MCF2L2: variants seen among roughly 807,000 people sequenced by gnomAD.
MCF2L2 encodes probable guanine nucleotide exchange factor MCF2L2.
MCF2L2 carries 102 observed loss-of-function variants against 150.2 expected under a neutral mutation model. The observed-to-expected ratio is 0.68, with a 90% CI of 0.58 to 0.80. The LOEUF is 0.80. Ranked by LOEUF, MCF2L2 falls within the 30% of genes least tolerant of loss-of-function variation. MCF2L2 has a pLI of 0.00. For missense variants in MCF2L2, 1,256 were observed against 1,372.8 expected (o/e 0.91, Z 1.34); for synonymous variants, 465 against 491.3 (o/e 0.95, Z 0.71).
intron 15 of MCF2L2, among the ~76,000 whole-genome samples, chr3:183,241,996 T>G (rs144421366): frequency 6.6e-6 from 1 of 152,290 alleles, no homozygotes; most frequent in East Asian, 1.9e-4. Flanking sequence ...TGGCAGCATT[T>G]TGCCCCTGCC....
chr3:183,202,913 A>T (rs207464142), intron 25 of MCF2L2, among the ~76,000 whole-genome samples: 1 of 152,216 alleles, frequency 6.6e-6, no homozygotes, highest in African/African-American at 2.4e-5. Flanking sequence ...ACCAGTCAAT[A>T]CAAACTGTTC....
chr3:183,254,004 G>C (rs986338705), intron 15 of MCF2L2: 4 of 152,150 alleles, frequency 2.6e-5, no homozygotes, highest in Admixed American at 6.5e-5. Context: ...GCGGCCCCGA[G>C]CTGGGCTCCC....
At chr3:183,279,150 G>A (rs56310057) in intron 14 of MCF2L2, among the ~76,000 whole-genome samples, 3,885 of 151,686 alleles carry the variant, frequency 0.026, 172 homozygotes, top group African/African-American at 0.087. Context: ...CTCACAAGAA[G>A]TACATAACAC....
chr3:183,355,744 G>A (rs545042109), intron 3 of MCF2L2, among the ~76,000 whole-genome samples: 240 of 151,246 alleles, frequency 1.6e-3, no homozygotes, highest in Non-Finnish European at 2.8e-3. Flanking sequence ...GGGATTACAG[G>A]CGTGAGCCAC....
chr3:183,295,944 C>G (rs924581942), intron 12 of MCF2L2, among the ~76,000 whole-genome samples: 1 of 152,024 alleles, frequency 6.6e-6, no homozygotes, highest in South Asian at 2.1e-4. Flanking sequence ...GGCGACAGAG[C>G]GACTCCATCT....
chr3:183,399,688 T>A (rs150362161), intron 1 of MCF2L2, among the ~76,000 whole-genome samples: 3 of 152,224 alleles, frequency 2.0e-5, no homozygotes, highest in Non-Finnish European at 2.9e-5. Flanking sequence ...GACATTTTTC[T>A]TCAGGAATAT....
At chr3:183,382,838 T>G (rs1713614134) in intron 2 of MCF2L2, among the ~76,000 whole-genome samples, 1 of 152,150 alleles carries the variant, frequency 6.6e-6, no homozygotes, top group Non-Finnish European at 1.5e-5. Flanking sequence ...GCCCTGGTGA[T>G]AGCTGGCATG....
At chr3:183,223,036 C>T (rs1317624689) in intron 20 of MCF2L2, among the ~76,000 whole-genome samples, 3 of 152,194 alleles carry the variant, frequency 2.0e-5, no homozygotes, top group African/African-American at 7.2e-5. Context: ...AAAACAGTAA[C>T]TTTGGGGAAA....
At chr3:183,298,765 G>GCGCGCGCGCGCGCGCGCA in intron 11 of MCF2L2, 3 of 138,498 alleles carry the variant, frequency 2.2e-5, no homozygotes, top group African/African-American at 8.7e-5. Context: ...AAACACACAT[G>GCGCGCGCGCGCGCGCGCA]CACACACACA....
chr3:183,202,462 C>G (rs1410065483), intron 25 of MCF2L2, among the ~76,000 whole-genome samples: 1 of 152,164 alleles, frequency 6.6e-6, no homozygotes, highest in Non-Finnish European at 1.5e-5. Context: ...GACAGATCTG[C>G]GAAGGCCCCA....
intron 22 of MCF2L2, among the ~76,000 whole-genome samples, chr3:183,214,224 G>A (rs544904333): frequency 2.4e-4 from 37 of 152,186 alleles, no homozygotes; most frequent in Non-Finnish European, 4.9e-4. Context: ...AAAAGGAACA[G>A]AAAGATGCCC....
chr3:183,324,609 T>A (rs1729948949), intron 5 of MCF2L2, among the ~76,000 whole-genome samples: 1 of 152,102 alleles, frequency 6.6e-6, no homozygotes, highest in Non-Finnish European at 1.5e-5. Flanking sequence ...GGTTTGCACC[T>A]GTAATCCCAG....
At chr3:183,234,755 G>A (rs1576946565) in intron 15 of MCF2L2, among the ~76,000 whole-genome samples, 1 of 105,944 alleles carries the variant, frequency 9.4e-6, no homozygotes. Flanking sequence ...GTGCAGGTTA[G>A]TTACATATGT....
rs2108478890 is a variant in MCF2L2, at chr3:183,289,120, C to G, written c.1776G>C (p.Lys592Asn). 6.2e-7 allele frequency: 1 copy of G among 1,604,912 alleles called. No homozygotes were observed. The change falls in exon 14 of 30, where the codon AAG (lysine) becomes AAC (asparagine). Residue 592 changes from lysine to asparagine, a missense_variant and splice_region_variant. Lys to Asn is a moderately conservative substitution (Grantham distance 94, BLOSUM62 0). Coordinates refer to ENST00000328913, the MANE Select transcript of MCF2L2 (RefSeq NM_015078.4). ...KEDDETKFEV[K>N]SEEIFESHHE... ...ATAAGTAAAATAAAGGTAATTTTAC[C>G]TTGACTTCAAATTTAGTCTCATCAT...
At position 183,207,867 on chromosome 3, in the gene MCF2L2, T is replaced by G. The variant is rs755122910; in HGVS notation, c.2497-44A>C. 3 of 1,476,498 alleles carry G rather than the reference T, an allele frequency of 2.0e-6. No individual in the cohort carries two copies. In the Admixed American group the frequency reaches 5.5e-5, roughly 27 times the overall value. The allele number at this position is 1,476,498 out of a possible 1,614,324, so 91.5% of individuals were successfully genotyped here. ...CAGGAAAAGAAGCTGTAAAATTACT[T>G]GACAGAGAAAGAAGCCTTTGTGGCC... On this transcript the variant is annotated intron_variant, in intron 22 of 29. Transcript: ENST00000328913.
At chr3:183,192,949 G>T (rs911502211) in intron 27 of MCF2L2, 50 bp downstream of exon 27, 3 of 1,368,874 alleles carry the variant, frequency 2.2e-6, no homozygotes, top group East Asian at 2.3e-5. Flanking sequence ...TAAGCAGCTG[G>T]CATCACCCCA....
chr3:183,238,440 G>T (rs1411027094), intron 15 of MCF2L2, among the ~76,000 whole-genome samples: 1 of 151,688 alleles, frequency 6.6e-6, no homozygotes, highest in Non-Finnish European at 1.5e-5. Flanking sequence ...GACTGCAGGC[G>T]TGCGCCACCA....
intron 4 of MCF2L2, among the ~76,000 whole-genome samples, chr3:183,341,062 C>T (rs545980701): frequency 3.9e-5 from 6 of 152,092 alleles, no homozygotes; most frequent in African/African-American, 9.7e-5. Context: ...CCAGGAAGCA[C>T]GAATGAGGGA....
intron 27 of MCF2L2, among the ~76,000 whole-genome samples, chr3:183,188,140 AC>A (rs985980495): frequency 6.6e-6 from 1 of 152,080 alleles, no homozygotes; most frequent in Non-Finnish European, 1.5e-5. Flanking sequence ...AGAGTCTAGG[AC>A]CCCCACTATA....
Sources: gnomAD v4.1 joint callset for allele counts (sites outside exome capture counted in the v4.1 genomes callset) on GRCh38, gnomAD v4.1.1 for gene constraint, MANE v1.5 for transcripts, NCBI Gene and HGNC (gene_info 2026-07-23, HGNC 2026-07-21) for gene names.